Variants in UGT1A6 observed in about 807,000 individuals in gnomAD.
The protein encoded by UGT1A6 is UDP glucuronosyltransferase family 1 member A6.
In UGT1A6, 32 loss-of-function variants were observed where a neutral mutation model predicts 44.4. That is an observed-to-expected ratio of 0.72 (90% CI 0.54 to 0.97). UGT1A6 has a LOEUF of 0.97. Ranked by LOEUF, UGT1A6 falls within the 50% of genes least tolerant of loss-of-function variation. The pLI is 0.00. For synonymous variants in UGT1A6, 238 were observed against 248.5 expected (o/e 0.96, Z 0.40); for missense variants, 685 against 661.9 (o/e 1.03, Z -0.38).
chr2:233,697,459 C>A (rs958689433), intron 1 of UGT1A6, among the ~76,000 whole-genome samples: 3 of 147,922 alleles, frequency 2.0e-5, no homozygotes, highest in Admixed American at 6.7e-5. Context: ...TGAGTGTTTT[C>A]TCTTTTTCTT....
At chr2:233,737,783 T>C (rs2125810890) in intron 1 of UGT1A6, among the ~76,000 whole-genome samples, 1 of 152,286 alleles carries the variant, frequency 6.6e-6, no homozygotes, top group Non-Finnish European at 1.5e-5. Context: ...GTTAACTACA[T>C]TGGCTCAAAT....
intron 1 of UGT1A6, among the ~76,000 whole-genome samples, chr2:233,725,264 GGAGGCAGAGGCAGAGGCAGAGGCA>G (rs551912265): frequency 0.039 from 2,279 of 58,516 alleles, 576 homozygotes; most frequent in South Asian, 0.073. Context: ...CAGAGGCAGA[GGAGGCAGAGGCAGAGGCAGAGGCA>G]GAGGCAGAGG....
intron 1 of UGT1A6, among the ~76,000 whole-genome samples, chr2:233,706,163 G>A (rs769337971): frequency 6.6e-6 from 1 of 152,200 alleles, no homozygotes; most frequent in East Asian, 1.9e-4. Context: ...CCTTCTAAAT[G>A]TGGAATGTGG....
At position 233,693,874 on chromosome 2, in the gene UGT1A6, G is replaced by A; in HGVS notation, c.861+9G>A. 6.2e-7 allele frequency: 1 copy of A among 1,614,164 alleles called. No individual in the cohort carries two copies. The highest frequency in any genetic ancestry group is 8.5e-7 in the Non-Finnish European group (1 of 1,180,026). On this transcript the variant is annotated intron_variant, in intron 1 of 4. Transcript: ENST00000305139. ...GGAAAGACTTGTCTCAGGTTGGTGGGTTTATTTCTTTTGGACTGCCTTGTT... is the reference window on the plus strand; with the variant it reads ...GGAAAGACTTGTCTCAGGTTGGTGGATTTATTTCTTTTGGACTGCCTTGTT...
chr2:233,704,265 T>C (rs2075777085), intron 1 of UGT1A6, among the ~76,000 whole-genome samples: 1 of 151,460 alleles, frequency 6.6e-6, no homozygotes, highest in African/African-American at 2.4e-5. Flanking sequence ...GCTTTTTTTT[T>C]TTTTTTGCAT....
chr2:233,742,737 C>A (rs1559386227), intron 1 of UGT1A6: 1 of 152,816 alleles, frequency 6.5e-6, no homozygotes, highest in Non-Finnish European at 1.5e-5. Flanking sequence ...ATTCAAATGT[C>A]TGACCTCCAA....
rs1342292441 is a variant in UGT1A6, at chr2:233,772,794, G to A, written c.*235G>A. 35 of 1,212,802 alleles carry A rather than the reference G, an allele frequency of 2.9e-5. No individual in the cohort carries two copies. Among genetic ancestry groups the A allele is most frequent in the African/African-American group, 6.1e-5 (4 of 65,186 alleles). The allele number at this position is 1,212,802 out of a possible 1,614,324, so 75.1% of individuals were successfully genotyped here. On this transcript the variant is annotated 3_prime_UTR_variant, in exon 5 of 5. Transcript: ENST00000305139. ...CTGGTGTCTTTGATCAGGATGACAT[G>A]TGCCATTTTTCAGAGGACGTGCAGA...
intron 1 of UGT1A6, chr2:233,743,535 C>T: frequency 7.3e-7 from 1 of 1,367,194 alleles, no homozygotes; most frequent in Non-Finnish European, 9.8e-7. Flanking sequence ...CCCAGCAGTT[C>T]CTCTGACCCC....
chr2:233,716,263 C>T (rs188566072), intron 1 of UGT1A6, among the ~76,000 whole-genome samples: 1 of 152,170 alleles, frequency 6.6e-6, no homozygotes, highest in Admixed American at 6.5e-5. Flanking sequence ...CATAATCTCC[C>T]CATGTCAAAA....
Position 233,767,238 on chromosome 2 carries a change from AT to A in UGT1A6, c.993+75del. ...CTAATCCCAGACTTCCAGCTTCCAG[AT>A]TAATTCTCTTAATTGGAACCTTAGA... On this transcript the variant is annotated intron_variant, in intron 2 of 4. Transcript: ENST00000305139. The A allele has an allele frequency of 9.3e-6, 15 of 1,607,788 alleles. No individual in the cohort carries two copies. In the South Asian group the frequency reaches 1.6e-4, roughly 17 times the overall value.
In UGT1A6 at chr2:233,767,884, T is replaced by A. The variant is rs149750520; in HGVS notation, c.1029T>A (p.Asn343Lys). The A allele has an allele frequency of 1.2e-6, 2 of 1,614,080 alleles. No individual in the cohort carries two copies. Among genetic ancestry groups the A allele is most frequent in the African/African-American group, 2.7e-5 (2 of 74,910 alleles). The change falls in exon 3 of 5, where the codon AAT (asparagine) becomes AAA (lysine). Residue 343 changes from asparagine to lysine, a missense_variant. Transcript: ENST00000305139. ...LWRYTGTRPSNLANNTILVKW... is the reference protein window; with the variant it reads ...LWRYTGTRPSKLANNTILVKW... ...GGTACACTGGAACCCGACCATCGAATCTTGCGAACAACACGATACTTGTTA... is the reference window on the plus strand; with the variant it reads ...GGTACACTGGAACCCGACCATCGAAACTTGCGAACAACACGATACTTGTTA...
chr2:233,736,730 T>C (rs1173879168), intron 1 of UGT1A6, among the ~76,000 whole-genome samples: 2 of 152,186 alleles, frequency 1.3e-5, no homozygotes, highest in African/African-American at 2.4e-5. Flanking sequence ...TTGATGTTTA[T>C]GCTGTTCCTT....
upstream of UGT1A6, chr2:233,691,778 G>T: frequency 3.3e-6 from 1 of 303,792 alleles, no homozygotes; most frequent in African/African-American, 2.3e-5. Context: ...TTCTCACCAC[G>T]TACTGGCTAG....
At chr2:233,719,211 C>A in intron 1 of UGT1A6, 1 of 1,614,194 alleles carries the variant, frequency 6.2e-7, no homozygotes, top group Non-Finnish European at 8.5e-7. Flanking sequence ...TTGTGTGGAG[C>A]TACTGCATAA....
chr2:233,706,103 A>AT (rs1559354549), intron 1 of UGT1A6, among the ~76,000 whole-genome samples: 1 of 152,060 alleles, frequency 6.6e-6, no homozygotes, highest in African/African-American at 2.4e-5. Context: ...TTAAAAAAAA[A>AT]CCAAGAATTT....
chr2:233,757,077 A>G (rs1321535856), intron 1 of UGT1A6, among the ~76,000 whole-genome samples: 2 of 151,308 alleles, frequency 1.3e-5, no homozygotes, highest in Non-Finnish European at 2.9e-5. Context: ...CAGAATGGCT[A>G]GAGGGTAAGA....
At chr2:233,764,546 TGGGA>T (rs1045982534) in intron 1 of UGT1A6, among the ~76,000 whole-genome samples, 5 of 152,234 alleles carry the variant, frequency 3.3e-5, no homozygotes, top group African/African-American at 1.2e-4. Context: ...AGTGGGCGTG[TGGGA>T]GGGTGTGCCT....
rs566468987 is a variant in UGT1A6, at chr2:233,735,438, T to C, written c.862-31596T>C. ...TGAGATAGGCCTCCTGAATACAGCA[T>C]ACCGATGGGCCTTGACTCTTTATCC... On this transcript the variant is annotated intron_variant, in intron 1 of 4. Transcript: ENST00000305139. Among the ~76,000 whole-genome samples, 10 of 152,290 alleles carry C rather than the reference T, an allele frequency of 6.6e-5. No homozygotes were observed. The East Asian group carries it at 7.7e-4, about 12-fold the overall frequency.
At chr2:233,721,428 G>A (rs2076944672) in intron 1 of UGT1A6, 1 of 157,010 alleles carries the variant, frequency 6.4e-6, no homozygotes, top group South Asian at 1.9e-4. Flanking sequence ...TAAGCATTGT[G>A]GTTTTAATGT....
Sources: allele counts gnomAD v4.1 joint callset (sites outside exome capture counted in the v4.1 genomes callset), GRCh38; gene constraint gnomAD v4.1.1; transcripts MANE v1.5; gene names NCBI Gene and HGNC (gene_info 2026-07-23, HGNC 2026-07-21).